Variants in UBR1 observed in about 807,000 individuals in gnomAD.
UBR1 encodes ubiquitin protein ligase E3 component n-recognin 1, also known as E3 ubiquitin-protein ligase UBR1.
In UBR1, 102 loss-of-function variants were observed where a neutral mutation model predicts 242.1. That is an observed-to-expected ratio of 0.42 (90% CI 0.36 to 0.50). The LOEUF (loss-of-function observed/expected upper bound fraction) is 0.50, where lower values mean the gene tolerates loss of function less well. Ranked by LOEUF, UBR1 falls within the 20% of genes least tolerant of loss-of-function variation. UBR1 has a pLI of 0.01. For synonymous variants in UBR1, 675 were observed against 684.8 expected, an observed-to-expected ratio of 0.99 and a Z score of 0.22; for missense variants, 1,772 against 2,101.8, an observed-to-expected ratio of 0.84 and a Z score of 3.07.
At chr15:42,982,345 AAG>A (rs2032390780) in intron 37 of UBR1, among the ~76,000 whole-genome samples, 1 of 152,358 alleles carries the variant, frequency 6.6e-6, no homozygotes, top group South Asian at 2.1e-4. Context: ...GTTCAACAGA[AAG>A]AGGTCCTAAA....
At chr15:43,097,172 C>T (rs1163489932) in intron 1 of UBR1, among the ~76,000 whole-genome samples, 1 of 152,092 alleles carries the variant, frequency 6.6e-6, no homozygotes, top group Non-Finnish European at 1.5e-5. Context: ...TTGTATATCT[C>T]CATCAGAGCT....
rs145647708 is a variant in UBR1 at position 43,010,259 on chromosome 15, TATTG to T, written c.3210-2979_3210-2976del. On this transcript the variant is annotated intron_variant, in intron 29 of 46. Transcript: ENST00000290650. Reference sequence around the variant, plus strand: ...AGCAATAAATTATGAAAGGTTTACTTATTGATTGTCACAAGGTTCTAGTGGGCGC... The same window carrying T: ...AGCAATAAATTATGAAAGGTTTACTTATTGTCACAAGGTTCTAGTGGGCGC... Among the ~76,000 whole-genome samples the T allele has an allele frequency of 3.9e-4, 60 of 152,202 alleles. No individual in the cohort carries two copies. The East Asian group carries it at 5.2e-3, about 13-fold the overall frequency.
intron 26 of UBR1, among the ~76,000 whole-genome samples, chr15:43,021,896 A>T (rs2141302813): frequency 6.6e-6 from 1 of 152,328 alleles, no homozygotes; most frequent in Non-Finnish European, 1.5e-5. Flanking sequence ...GAAGTACTGG[A>T]TTACAATGAT....
Position 43,011,260 on chromosome 15 carries a change from T to C in UBR1, c.3210-3976A>G, listed in dbSNP as rs535292715. 5.3e-5 allele frequency among the ~76,000 whole-genome samples: 8 copies of C among 152,224 alleles called. No homozygotes were observed. In the South Asian group the frequency reaches 1.4e-3, roughly 28 times the overall value. On this transcript the variant is annotated intron_variant, in intron 29 of 46. Transcript: ENST00000290650. ...ATAGGAAAAGCTTTCTTAAACAAGA[T>C]ATTAATACAAAAAGTTAAAACTCTA...
At chr15:43,015,039 C>T (rs544001615) in intron 29 of UBR1, among the ~76,000 whole-genome samples, 117 of 151,972 alleles carry the variant, frequency 7.7e-4, no homozygotes, top group Non-Finnish European at 1.5e-3. Context: ...AGCCCCCGCC[C>T]GGCCAGCCAC....
At chr15:42,945,496 A>C in intron 46 of UBR1, 26 bp from the exon 47 acceptor site, 1 of 1,613,228 alleles carries the variant, frequency 6.2e-7, no homozygotes, top group South Asian at 1.1e-5. Flanking sequence ...AAAAAACAAC[A>C]TGTAAGTTTG....
At chr15:43,087,210 C>A (rs1212800832) in intron 1 of UBR1, among the ~76,000 whole-genome samples, 2 of 151,938 alleles carry the variant, frequency 1.3e-5, no homozygotes, top group Non-Finnish European at 2.9e-5. Flanking sequence ...TCGAGACCAC[C>A]CTGGCTAACA....
intron 27 of UBR1, among the ~76,000 whole-genome samples, chr15:43,017,939 T>C (rs1212868080): frequency 6.6e-6 from 1 of 152,008 alleles, no homozygotes. Context: ...TACATACTGT[T>C]TCACACATCC....
At chr15:43,092,879 G>C (rs758605998) in intron 1 of UBR1, among the ~76,000 whole-genome samples, 2 of 152,088 alleles carry the variant, frequency 1.3e-5, no homozygotes, top group Non-Finnish European at 2.9e-5. Context: ...ATAAAGTTCA[G>C]TTACACTCTT....
intron 6 of UBR1, among the ~76,000 whole-genome samples, chr15:43,065,159 A>C (rs2033736695): frequency 6.6e-6 from 1 of 152,206 alleles, no homozygotes; most frequent in Admixed American, 6.5e-5. Context: ...TAGCAATAGT[A>C]ATATAGGTAT....
chr15:42,995,617 G>A (rs1398737730), intron 33 of UBR1, among the ~76,000 whole-genome samples: 1 of 151,856 alleles, frequency 6.6e-6, no homozygotes, highest in Admixed American at 6.6e-5. Flanking sequence ...GCAGTGAGCC[G>A]AGATCACGCC....
At position 43,006,876 on chromosome 15, in the gene UBR1, A is replaced by C. The variant is rs149159903; in HGVS notation, c.3415+203T>G. On this transcript the variant is annotated intron_variant, in intron 30 of 46. Transcript: ENST00000290650. ...TCCTAAGTGAAAAAAAAAGTCTAGG[A>C]ATTGAAGACATTTTGAGAACTGTTG... Among the ~76,000 whole-genome samples, 1,372 of 152,332 alleles carry C rather than the reference A, an allele frequency of 9.0e-3. 17 individuals carry two copies. The highest frequency in any genetic ancestry group is 0.031 in the African/African-American group (1,305 of 41,568).
chr15:43,071,717 C>T (rs2033827338), intron 4 of UBR1, among the ~76,000 whole-genome samples: 1 of 151,978 alleles, frequency 6.6e-6, no homozygotes, highest in Non-Finnish European at 1.5e-5. Context: ...CTTTTGACTC[C>T]CACAAAAAAG....
chr15:42,953,877 T>C lies in UBR1; in HGVS notation c.4836-1429A>G, dbSNP rs189284754. ...ATCCTCCGAGGAGCCAACAACTTGATATTCTTTTTTTTTTTTTTTTTTTGA... is the reference window on the plus strand; with the variant it reads ...ATCCTCCGAGGAGCCAACAACTTGACATTCTTTTTTTTTTTTTTTTTTTGA... On this transcript the variant is annotated intron_variant, in intron 44 of 46. Coordinates refer to ENST00000290650, the MANE Select transcript of UBR1 (RefSeq NM_174916.3). Among the ~76,000 whole-genome samples, 634 of 151,346 alleles carry C rather than the reference T, an allele frequency of 4.2e-3. 10 individuals are homozygous for C. The highest frequency in any genetic ancestry group is 0.015 in the African/African-American group (605 of 41,232).
At chr15:42,983,837 G>T in intron 37 of UBR1, 60 bp downstream of exon 37, 1 of 1,042,458 alleles carries the variant, frequency 9.6e-7, no homozygotes, top group Non-Finnish European at 1.3e-6. Context: ...TGCCAGAAAT[G>T]CAATAGAAAA....
At chr15:43,021,461 G>A in intron 26 of UBR1, 86 bp from the exon 27 acceptor site, 1 of 1,208,124 alleles carries the variant, frequency 8.3e-7, no homozygotes, top group Non-Finnish European at 1.2e-6. Context: ...GACCCCTGTG[G>A]ACATCAAAGT....
intron 15 of UBR1, among the ~76,000 whole-genome samples, chr15:43,042,011 G>C (rs995699154): frequency 6.6e-6 from 1 of 151,942 alleles, no homozygotes; most frequent in African/African-American, 2.4e-5. Flanking sequence ...GTTATTATCT[G>C]GGGGGGAAAA....
At chr15:43,017,399 A>G (rs1162695548) in intron 27 of UBR1, among the ~76,000 whole-genome samples, 1 of 152,254 alleles carries the variant, frequency 6.6e-6, no homozygotes, top group Non-Finnish European at 1.5e-5. Context: ...TAGCAGAATC[A>G]GCAGATTCAG....
chr15:43,086,760 A>G (rs1446944995), intron 1 of UBR1, among the ~76,000 whole-genome samples: 1 of 152,274 alleles, frequency 6.6e-6, no homozygotes, highest in Non-Finnish European at 1.5e-5. Flanking sequence ...ACATGCTTAC[A>G]TTATTAGTCA....
Sources: gnomAD v4.1 joint callset for allele counts (sites outside exome capture counted in the v4.1 genomes callset) on GRCh38, gnomAD v4.1.1 for gene constraint, MANE v1.5 for transcripts, NCBI Gene and HGNC (gene_info 2026-07-23, HGNC 2026-07-21) for gene names.